WDFY3: variants seen among roughly 807,000 people sequenced by gnomAD.
The protein encoded by WDFY3 is WD repeat and FYVE domain containing 3.
Under a neutral mutation model 409.6 loss-of-function variants are expected in WDFY3, and 66 were observed. The observed-to-expected ratio is 0.16, with a 90% CI of 0.13 to 0.20. The LOEUF (loss-of-function observed/expected upper bound fraction) is 0.20. WDFY3 is among the 10% of genes least tolerant of loss of function. The pLI is 1.00. For missense variants in WDFY3, 3,031 were observed against 4,298.1 expected, an observed-to-expected ratio of 0.71 and a Z score of 8.24; for synonymous variants, 1,521 against 1,537.1, an observed-to-expected ratio of 0.99 and a Z score of 0.25.
chr4:84,761,990 T>C (rs971860760), intron 32 of WDFY3, among the ~76,000 whole-genome samples: 215 of 152,078 alleles, frequency 1.4e-3, no homozygotes, highest in African/African-American at 4.8e-3. Context: ...CGTGGAGAAA[T>C]AGGAACACTT....
At chr4:84,919,165 CT>C (rs2150834507) in intron 2 of WDFY3, among the ~76,000 whole-genome samples, 1 of 152,104 alleles carries the variant, frequency 6.6e-6, no homozygotes, top group South Asian at 2.1e-4. Flanking sequence ...ACAATTTTAG[CT>C]CCAAAATATT....
intron 30 of WDFY3, among the ~76,000 whole-genome samples, chr4:84,768,360 A>G (rs1278289034): frequency 6.6e-6 from 1 of 152,156 alleles, no homozygotes; most frequent in Non-Finnish European, 1.5e-5. Flanking sequence ...TCATAGCTAG[A>G]GGGGAGAAGT....
intron 1 of WDFY3, among the ~76,000 whole-genome samples, chr4:84,949,074 T>G (rs773052651): frequency 6.6e-6 from 1 of 152,150 alleles, no homozygotes; most frequent in Non-Finnish European, 1.5e-5. Flanking sequence ...TAAGGTTAGA[T>G]TGACCTTAAC....
At chr4:84,704,994 T>C (rs991081879) in intron 54 of WDFY3, among the ~76,000 whole-genome samples, 12 of 152,166 alleles carry the variant, frequency 7.9e-5, no homozygotes, top group African/African-American at 2.9e-4. Flanking sequence ...AACTATAAGG[T>C]TTTAGAGTAT....
intron 43 of WDFY3, among the ~76,000 whole-genome samples, chr4:84,734,375 G>C (rs962024484): frequency 6.6e-6 from 1 of 152,144 alleles, no homozygotes. Context: ...AGATTACTGA[G>C]TGAACAATTA....
At chr4:84,750,854 T>G (rs749121134) in intron 36 of WDFY3, among the ~76,000 whole-genome samples, 21 of 152,248 alleles carry the variant, frequency 1.4e-4, no homozygotes, top group Non-Finnish European at 1.9e-4. Flanking sequence ...ACCTAGAAGT[T>G]TGCTGCCTTG....
intron 4 of WDFY3, among the ~76,000 whole-genome samples, chr4:84,856,190 A>G (rs1043528382): frequency 1.3e-5 from 2 of 152,242 alleles, no homozygotes; most frequent in African/African-American, 4.8e-5. Flanking sequence ...ACAAATTAAA[A>G]AGTAATGATA....
intron 30 of WDFY3, among the ~76,000 whole-genome samples, chr4:84,768,067 A>C (rs1422376017): frequency 6.6e-6 from 1 of 152,210 alleles, no homozygotes; most frequent in Admixed American, 6.5e-5. Context: ...TGTGTGACAA[A>C]GTGAGACCCT....
intron 46 of WDFY3, among the ~76,000 whole-genome samples, chr4:84,722,814 T>G (rs887877245): frequency 6.6e-6 from 1 of 152,220 alleles, no homozygotes; most frequent in African/African-American, 2.4e-5. Context: ...AGTCTTATCC[T>G]TTGAATATTA....
At chr4:84,713,130 C>G (rs775999724) in intron 51 of WDFY3, 29 bp downstream of exon 51, 2 of 1,605,128 alleles carry the variant, frequency 1.2e-6, no homozygotes, top group Admixed American at 1.7e-5. Context: ...CACTATTAAA[C>G]TGTAACATGC....
At position 84,924,547 on chromosome 4, in the gene WDFY3, A is replaced by T. The variant is rs1023278607; in HGVS notation, c.-132+7723T>A. ...ACAATCACATGAAGTAGATACTATC[A>T]ATTCCATTTTTACAAAACAGAACAT... On this transcript the variant is annotated intron_variant, in intron 2 of 67. Coordinates refer to ENST00000295888, the MANE Select transcript of WDFY3 (RefSeq NM_014991.6). Among the ~76,000 whole-genome samples, 4 of 152,224 alleles carry T rather than the reference A, an allele frequency of 2.6e-5. No individual in the cohort carries two copies. In the East Asian group the frequency reaches 7.7e-4, roughly 29 times the overall value.
In WDFY3 at chr4:84,705,462, A is replaced by G; in HGVS notation, c.8267T>C (p.Met2756Thr). ...TAATCGTTCATCTGTTTGTGCTCCC[A>G]TTGGCTTAGCCAGGTTTCTAAACGT... Reference protein sequence around the residue: ...PKTFRNLAKPMGAQTDERLAQ... With the variant: ...PKTFRNLAKPTGAQTDERLAQ... The change falls in exon 54 of 68, where the codon ATG becomes ACG. Residue 2756 changes from methionine (M) to threonine (T), a missense_variant. Around this residue, in one of 16 missense-constraint regions of WDFY3, gnomAD observed 129 missense variants for 305.3 expected, o/e 0.42. Coordinates refer to ENST00000295888, the MANE Select transcript of WDFY3 (RefSeq NM_014991.6). 6.2e-7 allele frequency: 1 copy of G among 1,614,092 alleles called. No individual in the cohort carries two copies. The highest frequency in any genetic ancestry group is 8.5e-7 in the Non-Finnish European group (1 of 1,179,992).
At chr4:84,881,786 AGGATC>A (rs1489126978) in intron 3 of WDFY3, among the ~76,000 whole-genome samples, 2 of 151,764 alleles carry the variant, frequency 1.3e-5, no homozygotes, top group African/African-American at 4.8e-5. Context: ...TTGAGGTAAG[AGGATC>A]GCTTGATCCC....
Position 84,743,765 on chromosome 4 carries a change from T to G in WDFY3, c.6008A>C (p.Lys2003Thr). 1.9e-6 allele frequency: 3 copies of G among 1,596,988 alleles called. No individual in the cohort carries two copies. The highest frequency in any genetic ancestry group is 2.6e-6 in the Non-Finnish European group (3 of 1,169,444). ...SPERSTRTQQ[K>T]EFQTYILDSV... ...ATCCAAAATGTAAGTTTGAAATTCT[T>G]TTTGCTGAGTTCTTGTAGACCTTTC... is the stretch of plus-strand genomic sequence containing the variant. The change falls in exon 37 of 68, where the codon AAA becomes ACA. Residue 2003 changes from lysine (K) to threonine (T), a missense_variant. Lys to Thr is a moderately conservative substitution (Grantham distance 78, BLOSUM62 -1). Transcript: ENST00000295888.
At chr4:84,714,824 C>A (rs2149033336) in intron 50 of WDFY3, among the ~76,000 whole-genome samples, 1 of 151,974 alleles carries the variant, frequency 6.6e-6, no homozygotes, top group Non-Finnish European at 1.5e-5. Flanking sequence ...GTGGCGGGTG[C>A]CTGCAGTTCC....
rs920572459 is a variant in WDFY3, at chr4:84,670,628, A to C, written c.*2240T>G. The C allele has an allele frequency of 6.5e-6, 1 of 152,676 alleles. No individual in the cohort carries two copies. The highest frequency in any genetic ancestry group is 2.4e-5 in the African/African-American group (1 of 41,466). 9.5% of individuals were successfully genotyped at this position (152,676 alleles called of 1,614,324 possible). On this transcript the variant is annotated 3_prime_UTR_variant, in exon 68 of 68. Coordinates refer to ENST00000295888, the MANE Select transcript of WDFY3 (RefSeq NM_014991.6). The stretch of plus-strand genomic sequence containing the variant: ...TAGTTTCCTATTACAAAGAGGAATA[A>C]CCTTTAAGTAACTACACACACACAT...
chr4:84,909,747 T>A (rs965739290), intron 2 of WDFY3, among the ~76,000 whole-genome samples: 2 of 152,104 alleles, frequency 1.3e-5, no homozygotes, highest in Non-Finnish European at 2.9e-5. Flanking sequence ...ATTACGTGAC[T>A]TATTGGTCTT....
intron 2 of WDFY3, among the ~76,000 whole-genome samples, chr4:84,925,205 C>T (rs1769812210): frequency 6.6e-6 from 1 of 152,122 alleles, no homozygotes; most frequent in Admixed American, 6.6e-5. Flanking sequence ...CTTTCTTTTC[C>T]TATTATTTTT....
chr4:84,678,917 A>G lies in WDFY3; in HGVS notation c.10147+2T>C. 1.2e-6 allele frequency: 2 copies of G among 1,608,524 alleles called. No individual in the cohort carries two copies. Among genetic ancestry groups the G allele is most frequent in the Middle Eastern group, 1.7e-4 (1 of 6,022 alleles). ...AGAAATAGATACCAGACTTCAAGTT[A>G]CCAGGTTTCAATCTGCTGTAATTCC... On this transcript the variant is annotated splice_donor_variant, in intron 65 of 67. Coordinates refer to ENST00000295888, the MANE Select transcript of WDFY3 (RefSeq NM_014991.6). LOFTEE classifies it high-confidence loss of function.
Sources: gnomAD v4.1 joint callset for allele counts (sites outside exome capture counted in the v4.1 genomes callset) on GRCh38, gnomAD v4.1.1 for gene constraint, gnomAD v4.1.1 regional missense constraint, MANE v1.5 for transcripts, NCBI Gene and HGNC (gene_info 2026-07-23, HGNC 2026-07-21) for gene names.